The following PCDH7 variants were observed in gnomAD, a reference collection of about 807,000 sequenced individuals.
The protein encoded by PCDH7 is protocadherin-7.
PCDH7 carries 17 observed loss-of-function variants against 58.9 expected under a neutral mutation model. That is an observed-to-expected ratio of 0.29 (90% CI 0.20 to 0.43). The LOEUF is 0.43. Among genes scored for constraint, PCDH7 ranks in the 20% least tolerant of loss-of-function variants. The pLI is 1.00. For synonymous variants in PCDH7, 664 were observed against 616.4 expected (o/e 1.08, Z -1.14); for missense variants, 1,274 against 1,441.0 (o/e 0.88, Z 1.88).
At chr4:30,877,145 T>A (rs1736394693) in intron 1 of PCDH7, among the ~76,000 whole-genome samples, 1 of 152,048 alleles carries the variant, frequency 6.6e-6, no homozygotes, top group Admixed American at 6.6e-5. Context: ...CTTCTTAGGA[T>A]GTAAGGACAA....
intron 3 of PCDH7, among the ~76,000 whole-genome samples, chr4:31,111,453 C>A (rs115884934): frequency 6.6e-6 from 1 of 151,886 alleles, no homozygotes; most frequent in Non-Finnish European, 1.5e-5. Flanking sequence ...GGATTACAAG[C>A]GCCCGCAACC....
At chr4:31,074,261 G>C (rs984084851) in intron 3 of PCDH7, among the ~76,000 whole-genome samples, 1 of 150,540 alleles carries the variant, frequency 6.6e-6, no homozygotes, top group African/African-American at 2.5e-5. Flanking sequence ...AAACATACTA[G>C]ATTGCAAAAT....
At chr4:31,002,924 A>G (rs1291125544) in intron 3 of PCDH7, among the ~76,000 whole-genome samples, 1 of 152,192 alleles carries the variant, frequency 6.6e-6, no homozygotes, top group Non-Finnish European at 1.5e-5. Flanking sequence ...AGGTCAGAAG[A>G]CAAGTAATTT....
chr4:31,137,947 G>A (rs1346150138), intron 3 of PCDH7, among the ~76,000 whole-genome samples: 1 of 152,182 alleles, frequency 6.6e-6, no homozygotes, highest in African/African-American at 2.4e-5. Context: ...GGAGTAGAGT[G>A]AGTGTCTGGG....
chr4:30,763,790 C>T (rs899298689), intron 1 of PCDH7, among the ~76,000 whole-genome samples: 43 of 152,100 alleles, frequency 2.8e-4, no homozygotes, highest in Non-Finnish European at 5.0e-4. Context: ...TATCGTCTTC[C>T]GTTTCTTCTT....
At chr4:30,958,484 T>C (rs192658116) in intron 3 of PCDH7, among the ~76,000 whole-genome samples, 7 of 152,092 alleles carry the variant, frequency 4.6e-5, no homozygotes, top group Admixed American at 3.9e-4. Flanking sequence ...CTTAAGGTGA[T>C]TCAAATAATA....
At chr4:31,137,778 A>G (rs1247292152) in intron 3 of PCDH7, among the ~76,000 whole-genome samples, 1 of 152,210 alleles carries the variant, frequency 6.6e-6, no homozygotes, top group Admixed American at 6.5e-5. Flanking sequence ...AGCAAATTAA[A>G]TAATATGTGA....
At chr4:30,987,301 A>G (rs1200575249) in intron 3 of PCDH7, among the ~76,000 whole-genome samples, 3 of 152,146 alleles carry the variant, frequency 2.0e-5, no homozygotes, top group Admixed American at 1.3e-4. Flanking sequence ...ATTTTATACC[A>G]GGTTTTTACT....
At chr4:30,794,672 C>CT (rs1553888201) in intron 1 of PCDH7, among the ~76,000 whole-genome samples, 2 of 150,832 alleles carry the variant, frequency 1.3e-5, no homozygotes, top group African/African-American at 2.4e-5. Context: ...CAAAGGCTCA[C>CT]TTTTTTTTTA....
intron 3 of PCDH7, among the ~76,000 whole-genome samples, chr4:31,068,807 G>C (rs952568633): frequency 2.0e-5 from 3 of 151,946 alleles, no homozygotes; most frequent in Non-Finnish European, 4.4e-5. Flanking sequence ...CTGAATTTTT[G>C]TTCCAGGGAT....
intron 3 of PCDH7, among the ~76,000 whole-genome samples, chr4:31,141,148 G>A (rs1720203256): frequency 1.3e-5 from 2 of 152,200 alleles, no homozygotes; most frequent in Admixed American, 1.3e-4. Context: ...AAACTACAGG[G>A]GATGGGGTGT....
chr4:30,886,676 A>T (rs1737837719), intron 1 of PCDH7, among the ~76,000 whole-genome samples: 1 of 151,292 alleles, frequency 6.6e-6, no homozygotes, highest in South Asian at 2.1e-4. Flanking sequence ...ATGCACACGT[A>T]TGTTTATTGC....
intron 3 of PCDH7, among the ~76,000 whole-genome samples, chr4:31,116,588 T>A (rs1425833492): frequency 1.3e-5 from 2 of 152,184 alleles, no homozygotes; most frequent in Non-Finnish European, 2.9e-5. Flanking sequence ...ATAGCGACTT[T>A]GTTATCCTTG....
intron 3 of PCDH7, among the ~76,000 whole-genome samples, chr4:31,069,604 G>GT (rs1758374475): frequency 6.6e-6 from 1 of 151,890 alleles, no homozygotes; most frequent in Non-Finnish European, 1.5e-5. Context: ...AAAATATTTA[G>GT]TTTTTGCATA....
At chr4:30,731,434 T>C (rs1345915143) in exon 2 of PCDH7, 1 of 152,140 alleles carries the variant, frequency 6.6e-6, no homozygotes, top group African/African-American at 2.4e-5. Flanking sequence ...TTTGAGAAAT[T>C]AATTTTTTAT....
In PCDH7 at chr4:30,724,313, A is replaced by G; in HGVS notation, c.2891A>G (p.Tyr964Cys). 6.2e-7 allele frequency: 1 copy of G among 1,614,124 alleles called. No homozygotes were observed. Among genetic ancestry groups the G allele is most frequent in the Non-Finnish European group, 8.5e-7 (1 of 1,180,032 alleles). Residue 964 changes from tyrosine to cysteine, a missense_variant, in exon 1 of 2, where the codon TAT (tyrosine) becomes TGT (cysteine). Around this residue, in one of 3 missense-constraint regions of PCDH7, gnomAD observed 731 missense variants for 881.9 expected, o/e 0.83. Transcript: ENST00000361762. ...GCTTCTAAGCCAAATGGACAGAGGT[A>G]TGATAGTGTCAATGAGAAGCTGTCA...
At chr4:31,047,681 T>C (rs138114980) in intron 3 of PCDH7, among the ~76,000 whole-genome samples, 1 of 152,210 alleles carries the variant, frequency 6.6e-6, no homozygotes, top group African/African-American at 2.4e-5. Context: ...TATATTTACA[T>C]TTAGAAATTG....
chr4:30,769,326 G>C (rs960729941), intron 1 of PCDH7, among the ~76,000 whole-genome samples: 3 of 152,352 alleles, frequency 2.0e-5, no homozygotes, highest in Admixed American at 2.0e-4. Context: ...CAGGTGTGGA[G>C]ACACTGCAGA....
At chr4:30,982,860 G>A (rs1045950513) in intron 3 of PCDH7, among the ~76,000 whole-genome samples, 11 of 152,298 alleles carry the variant, frequency 7.2e-5, no homozygotes, top group Non-Finnish European at 1.5e-4. Flanking sequence ...GTACTGCAGA[G>A]TTGGGGAGGA....
Sources: allele counts gnomAD v4.1 joint callset (sites outside exome capture counted in the v4.1 genomes callset), GRCh38; gene constraint gnomAD v4.1.1; regional missense constraint gnomAD v4.1.1; transcripts MANE v1.5; gene names NCBI Gene and HGNC (gene_info 2026-07-23, HGNC 2026-07-21).